FHIT: variants seen among roughly 807,000 people sequenced by gnomAD.
FHIT encodes bis(5'-adenosyl)-triphosphatase.
FHIT carries 19 observed loss-of-function variants against 17.9 expected under a neutral mutation model. The observed-to-expected ratio is 1.06, with a 90% CI of 0.74 to 1.56. The LOEUF is 1.56. Ranked by LOEUF, FHIT falls within the 40% of genes most tolerant of loss-of-function variation. The pLI is 0.00. For synonymous variants in FHIT, 81 were observed against 69.7 expected (o/e 1.16, Z -0.81); for missense variants, 248 against 189.2 (o/e 1.31, Z -1.82).
At chr3:59,988,344 G>C (rs543194368) in intron 7 of FHIT, among the ~76,000 whole-genome samples, 55 of 152,110 alleles carry the variant, frequency 3.6e-4, no homozygotes, top group Admixed American at 1.6e-3. Context: ...TTCTTTGTTT[G>C]GTATTTCTCT....
intron 5 of FHIT, among the ~76,000 whole-genome samples, chr3:60,456,891 T>A (rs2032130155): frequency 6.6e-6 from 1 of 152,054 alleles, no homozygotes; most frequent in African/African-American, 2.4e-5. Flanking sequence ...AAGGACCTCT[T>A]CAAGGAGAAC....
At chr3:60,274,382 T>A (rs539120120) in intron 5 of FHIT, among the ~76,000 whole-genome samples, 52 of 152,266 alleles carry the variant, frequency 3.4e-4, no homozygotes, top group Admixed American at 3.2e-3. Flanking sequence ...TATCAGTCAC[T>A]CAATAAATAT....
chr3:61,124,133 A>G lies in FHIT; in HGVS notation c.-164+76484T>C, dbSNP rs566695933. On this transcript the variant is annotated intron_variant, in intron 2 of 9. Coordinates refer to ENST00000492590, the MANE Select transcript of FHIT (RefSeq NM_002012.4). ...GGCAACATGGCACACAGACATAACA[A>G]GTCTGGGTTGAGGACGGCTATTAGA... Among the ~76,000 whole-genome samples the G allele has an allele frequency of 2.6e-5, 4 of 152,356 alleles. No individual in the cohort carries two copies. The South Asian group carries it at 8.3e-4, about 32-fold the overall frequency.
intron 6 of FHIT, among the ~76,000 whole-genome samples, chr3:60,012,263 GTTGT>G (rs1700168698): frequency 1.7e-5 from 2 of 118,962 alleles, no homozygotes; most frequent in African/African-American, 3.7e-5. Context: ...TGTTTTTTTT[GTTGT>G]TTTTTTTTTT....
chr3:60,441,788 A>ATG (rs1553772907), intron 5 of FHIT, among the ~76,000 whole-genome samples: 518 of 12,280 alleles, frequency 0.042, 28 homozygotes, highest in Middle Eastern at 0.12. Flanking sequence ...ATAAAAATAT[A>ATG]TATATATATA....
At chr3:60,194,093 A>T (rs549756796) in intron 5 of FHIT, among the ~76,000 whole-genome samples, 11 of 152,194 alleles carry the variant, frequency 7.2e-5, no homozygotes, top group Non-Finnish European at 1.6e-4. Context: ...ACTCAATCCT[A>T]AAGTTCGCAT....
intron 3 of FHIT, among the ~76,000 whole-genome samples, chr3:60,849,139 T>C (rs1010629283): frequency 6.6e-6 from 1 of 152,088 alleles, no homozygotes; most frequent in Non-Finnish European, 1.5e-5. Context: ...GATTTTCACA[T>C]GTTAACCTTT....
At chr3:60,318,990 A>T (rs763090297) in intron 5 of FHIT, among the ~76,000 whole-genome samples, 14 of 152,062 alleles carry the variant, frequency 9.2e-5, no homozygotes, top group Non-Finnish European at 1.3e-4. Flanking sequence ...CTCTGTTGTC[A>T]CATGGCCTGC....
At chr3:60,026,686 G>A (rs1700752349) in intron 5 of FHIT, among the ~76,000 whole-genome samples, 1 of 151,950 alleles carries the variant, frequency 6.6e-6, no homozygotes, top group Non-Finnish European at 1.5e-5. Context: ...AACAAACAAT[G>A]GAAAAATATT....
chr3:60,945,067 GA>G (rs1445029893), intron 3 of FHIT, among the ~76,000 whole-genome samples: 9 of 152,296 alleles, frequency 5.9e-5, no homozygotes, highest in African/African-American at 2.2e-4. Flanking sequence ...GCAGGGCAAA[GA>G]GATGGAGGAT....
At chr3:60,836,083 C>A (rs1553743784) in intron 3 of FHIT, among the ~76,000 whole-genome samples, 1 of 152,140 alleles carries the variant, frequency 6.6e-6, no homozygotes, top group East Asian at 1.9e-4. Flanking sequence ...GAACTTCCTG[C>A]ACTATGTTGA....
chr3:60,004,046 T>A (rs963803357), intron 7 of FHIT, among the ~76,000 whole-genome samples: 1 of 152,098 alleles, frequency 6.6e-6, no homozygotes, highest in African/African-American at 2.4e-5. Context: ...TGATTAGTTA[T>A]TGAGCACTAG....
chr3:61,052,596 T>C (rs1315734971), intron 2 of FHIT, among the ~76,000 whole-genome samples: 1 of 152,196 alleles, frequency 6.6e-6, no homozygotes, highest in Non-Finnish European at 1.5e-5. Flanking sequence ...GCATTCAAAG[T>C]AAAAGTCAAA....
intron 5 of FHIT, among the ~76,000 whole-genome samples, chr3:60,066,905 A>T (rs1419498522): frequency 6.6e-6 from 1 of 151,922 alleles, no homozygotes; most frequent in East Asian, 1.9e-4. Flanking sequence ...CGGCCTCCCA[A>T]AGTGCTGGGA....
intron 4 of FHIT, among the ~76,000 whole-genome samples, chr3:60,795,306 G>A (rs535418722): frequency 6.6e-6 from 1 of 152,018 alleles, no homozygotes. Flanking sequence ...AAAGACCTGT[G>A]GCTTTTTAAG....
chr3:59,839,785 T>G (rs1009662506), intron 8 of FHIT, among the ~76,000 whole-genome samples: 2 of 152,138 alleles, frequency 1.3e-5, no homozygotes, highest in Non-Finnish European at 2.9e-5. Flanking sequence ...ATACTAGAGA[T>G]GAAGGAGAAA....
At chr3:60,178,217 C>G (rs1010519526) in intron 5 of FHIT, among the ~76,000 whole-genome samples, 1 of 152,126 alleles carries the variant, frequency 6.6e-6, no homozygotes, top group African/African-American at 2.4e-5. Context: ...TGACCTATGG[C>G]CAAGCCCCAT....
chr3:60,326,624 C>G (rs1201919908), intron 5 of FHIT, among the ~76,000 whole-genome samples: 1 of 152,144 alleles, frequency 6.6e-6, no homozygotes, highest in East Asian at 1.9e-4. Flanking sequence ...TGTCCTAAAC[C>G]ATGTTTGCTT....
chr3:60,804,853 C>A (rs560941103), intron 4 of FHIT, among the ~76,000 whole-genome samples: 1 of 152,340 alleles, frequency 6.6e-6, no homozygotes, highest in Non-Finnish European at 1.5e-5. Flanking sequence ...TCCGAGGAGA[C>A]TTCTCTGCCA....
Sources: gnomAD v4.1 joint callset for allele counts (sites outside exome capture counted in the v4.1 genomes callset) on GRCh38, gnomAD v4.1.1 for gene constraint, MANE v1.5 for transcripts, NCBI Gene and HGNC (gene_info 2026-07-23, HGNC 2026-07-21) for gene names.